CHLSN: variants seen among roughly 807,000 people sequenced by gnomAD.
CHLSN encodes the protein protein cholesin.
the CHLSN span, among the ~76,000 whole-genome samples, chr7:1,027,800 C>G: frequency 6.6e-6 from 1 of 152,254 alleles, no homozygotes; most frequent in African/African-American, 2.4e-5. Flanking sequence ...CACAGGCCCT[C>G]TCAAGGGTCA....
At chr7:1,002,765 A>G in the CHLSN span, among the ~76,000 whole-genome samples, 3 of 37,952 alleles carry the variant, frequency 7.9e-5, no homozygotes, top group African/African-American at 1.2e-4. Flanking sequence ...GTGGGTGGGG[A>G]GTCCTTGGGT....
the CHLSN span, among the ~76,000 whole-genome samples, chr7:1,027,576 C>T: frequency 2.0e-5 from 3 of 152,280 alleles, no homozygotes; most frequent in Admixed American, 2.0e-4. Context: ...GAAGGAGCTG[C>T]CGGCCTGCTC....
At chr7:1,086,486 T>G in the CHLSN span, among the ~76,000 whole-genome samples, 2 of 152,210 alleles carry the variant, frequency 1.3e-5, no homozygotes, top group Non-Finnish European at 2.9e-5. Context: ...ACGTTAGTAT[T>G]TTTCCATTAA....
the CHLSN span, among the ~76,000 whole-genome samples, chr7:1,055,647 G>A: frequency 6.6e-6 from 1 of 152,184 alleles, no homozygotes; most frequent in Non-Finnish European, 1.5e-5. Flanking sequence ...AGGGAATGAA[G>A]GGGTGCCGAG....
chr7:1,100,945 T>A, the CHLSN span, among the ~76,000 whole-genome samples: 1 of 152,086 alleles, frequency 6.6e-6, no homozygotes, highest in Non-Finnish European at 1.5e-5. Context: ...CGTGCACCCC[T>A]GCTCCTGGCC....
At chr7:1,016,183 ACGC>A in the CHLSN span, among the ~76,000 whole-genome samples, 1 of 85,286 alleles carries the variant, frequency 1.2e-5, no homozygotes, top group Non-Finnish European at 2.2e-5. Flanking sequence ...ACAGCAGCAC[ACGC>A]CAGCACACAG....
the CHLSN span, among the ~76,000 whole-genome samples, chr7:1,116,462 C>T: frequency 2.7e-5 from 3 of 109,626 alleles, no homozygotes; most frequent in African/African-American, 8.9e-5. Context: ...AGGATGATGA[C>T]ATCACTGCAG....
the CHLSN span, among the ~76,000 whole-genome samples, chr7:1,030,179 G>A: frequency 2.6e-5 from 4 of 152,268 alleles, no homozygotes; most frequent in Middle Eastern, 3.4e-3. Context: ...CCATGAACGC[G>A]CCAACTCCGC....
chr7:987,227 C>T, the CHLSN span: 26 of 1,536,390 alleles, frequency 1.7e-5, no homozygotes, highest in Non-Finnish European at 2.1e-5. Flanking sequence ...TCTGATGGGC[C>T]GGCACCCGGA....
At chr7:1,114,777 G>A in the CHLSN span, among the ~76,000 whole-genome samples, 1,152 of 152,376 alleles carry the variant, frequency 7.6e-3, 10 homozygotes, top group African/African-American at 0.026. Context: ...AGGGTGGCCC[G>A]GGAGCCATTC....
the CHLSN span, among the ~76,000 whole-genome samples, chr7:1,063,193 C>G: frequency 0.5 from 76,145 of 151,978 alleles, 19,290 homozygotes; most frequent in Middle Eastern, 0.55. Flanking sequence ...TGCCAGCTGA[C>G]CCCGGCCACA....
the CHLSN span, among the ~76,000 whole-genome samples, chr7:1,071,006 G>GCACATGCACA: frequency 1.4e-5 from 2 of 145,962 alleles, no homozygotes; most frequent in South Asian, 2.1e-4. Context: ...ACGTGCACAC[G>GCACATGCACA]CACATGCACA....
At chr7:983,385 G>A in the CHLSN span, 2 of 1,503,986 alleles carry the variant, frequency 1.3e-6, no homozygotes, top group South Asian at 1.2e-5. Flanking sequence ...CCCTGATGGA[G>A]GTAAGTCAGG....
chr7:1,015,730 C>A, the CHLSN span, among the ~76,000 whole-genome samples: 1 of 152,186 alleles, frequency 6.6e-6, no homozygotes, highest in Non-Finnish European at 1.5e-5. Flanking sequence ...GGCCTGTGGG[C>A]CCCTAATGCC....
At chr7:992,900 CA>C in the CHLSN span, among the ~76,000 whole-genome samples, 1 of 152,216 alleles carries the variant, frequency 6.6e-6, no homozygotes, top group Non-Finnish European at 1.5e-5. Flanking sequence ...CCAAATTCCC[CA>C]CCCCTCCTGC....
the CHLSN span, among the ~76,000 whole-genome samples, chr7:1,104,426 A>T: frequency 6.6e-6 from 1 of 152,238 alleles, no homozygotes; most frequent in South Asian, 2.1e-4. Context: ...CACGTCATCT[A>T]TGAGCAGCAA....
At chr7:1,091,695 T>C in the CHLSN span, 4 of 1,471,424 alleles carry the variant, frequency 2.7e-6, no homozygotes, top group Non-Finnish European at 3.7e-6. Context: ...TGGGAGCCTT[T>C]CGGCAAATCT....
At chr7:1,030,303 C>T in the CHLSN span, among the ~76,000 whole-genome samples, 2 of 152,210 alleles carry the variant, frequency 1.3e-5, no homozygotes, top group African/African-American at 4.8e-5. Context: ...CAGCCACCCG[C>T]CTCCACACCT....
At chr7:1,135,912 T>A in the CHLSN span, among the ~76,000 whole-genome samples, 5 of 105,380 alleles carry the variant, frequency 4.7e-5, no homozygotes, top group Non-Finnish European at 8.5e-5. Flanking sequence ...TATATAAAAA[T>A]ATATATAAGT....
Sources: gnomAD v4.1 joint callset for allele counts (sites outside exome capture counted in the v4.1 genomes callset) on GRCh38, gnomAD v4.1.1 for gene constraint, MANE v1.5 for transcripts, NCBI Gene and HGNC (gene_info 2026-07-23, HGNC 2026-07-21) for gene names.